PCDHGA2: variants seen among roughly 807,000 people sequenced by gnomAD.
The protein encoded by PCDHGA2 is protocadherin gamma-A2.
Under a neutral mutation model 59.2 loss-of-function variants are expected in PCDHGA2, and 40 were observed. That is an observed-to-expected ratio of 0.68 (90% CI 0.52 to 0.88). PCDHGA2 has a LOEUF of 0.88. Ranked by LOEUF, PCDHGA2 falls within the 40% of genes least tolerant of loss-of-function variation. PCDHGA2 has a pLI of 0.00. For missense variants in PCDHGA2, 1,226 were observed against 1,204.0 expected, an observed-to-expected ratio of 1.02 and a Z score of -0.27; for synonymous variants, 560 against 526.0, an observed-to-expected ratio of 1.06 and a Z score of -0.89.
intron 2 of PCDHGA2, among the ~76,000 whole-genome samples, chr5:141,503,222 G>A (rs540244346): frequency 2.2e-4 from 34 of 152,120 alleles, no homozygotes; most frequent in African/African-American, 7.7e-4. Context: ...CATGAGCACC[G>A]TAAAGATGGA....
Position 141,418,795 on chromosome 5 carries a change from A to G in PCDHGA2, c.2425-76012A>G, listed in dbSNP as rs373690093. The G allele has an allele frequency of 6.8e-6, 11 of 1,613,740 alleles. No homozygotes were observed. The African/African-American group carries it at 1.5e-4, about 22-fold the overall frequency. On this transcript the variant is annotated intron_variant, in intron 1 of 3. Transcript: ENST00000394576. Reference sequence around the variant, plus strand: ...AGCAGCCTTTGGATTTTGAAGAAGTAGAAAGATATACGATAAACATAGAAG... The same window carrying G: ...AGCAGCCTTTGGATTTTGAAGAAGTGGAAAGATATACGATAAACATAGAAG...
intron 1 of PCDHGA2, among the ~76,000 whole-genome samples, chr5:141,420,624 CTCAA>C (rs1561789527): frequency 1.3e-5 from 2 of 152,278 alleles, no homozygotes; most frequent in Admixed American, 1.3e-4. Context: ...TCTTCATTTA[CTCAA>C]TAAAGGAACC....
At chr5:141,341,651 G>A in intron 1 of PCDHGA2, 1 of 675,922 alleles carries the variant, frequency 1.5e-6, no homozygotes, top group Non-Finnish European at 2.4e-6. Flanking sequence ...ACTGCATTAG[G>A]AACTAGGGTG....
chr5:141,340,139 C>T lies in PCDHGA2; in HGVS notation c.1168C>T (p.Leu390Phe), dbSNP rs1756910377. The change falls in exon 1 of 4, where the codon CTT becomes TTT. Residue 390 changes from leucine to phenylalanine, a missense_variant. Physicochemically the swap from Leu to Phe is conservative, Grantham distance 22 (BLOSUM62 0). Transcript: ENST00000394576. ...AFTTCSLPED[L>F]PFKLEKSVDN... ...CACCACCTGTTCACTCCCCGAGGAT[C>T]TTCCTTTTAAGTTAGAAAAGTCAGT... 3 of 1,614,216 alleles carry T rather than the reference C, an allele frequency of 1.9e-6. No homozygotes were observed. Among genetic ancestry groups the T allele is most frequent in the Non-Finnish European group, 1.7e-6 (2 of 1,180,022 alleles).
intron 2 of PCDHGA2, among the ~76,000 whole-genome samples, chr5:141,497,522 G>A (rs998999424): frequency 3.3e-5 from 5 of 150,848 alleles, no homozygotes; most frequent in African/African-American, 4.9e-5. Flanking sequence ...TAGTTAACTT[G>A]TGGAGGATGC....
chr5:141,388,521 A>T (rs978300482), intron 1 of PCDHGA2: 2 of 1,613,722 alleles, frequency 1.2e-6, no homozygotes, highest in African/African-American at 2.7e-5. Context: ...CTTGACTTTG[A>T]CTGCCTTGGA....
chr5:141,506,444 CAAAAAA>C (rs1219684339), intron 3 of PCDHGA2, among the ~76,000 whole-genome samples: 1 of 95,026 alleles, frequency 1.1e-5, no homozygotes, highest in African/African-American at 4.0e-5. Flanking sequence ...CGCTCTGTCT[CAAAAAA>C]AAAAAAAAAA....
At chr5:141,402,335 G>A (rs1157845729) in intron 1 of PCDHGA2, among the ~76,000 whole-genome samples, 1 of 151,508 alleles carries the variant, frequency 6.6e-6, no homozygotes, top group Non-Finnish European at 1.5e-5. Context: ...CAAATATATA[G>A]GTATAAAAAT....
intron 1 of PCDHGA2, chr5:141,478,509 G>A: frequency 1.2e-6 from 2 of 1,611,878 alleles, no homozygotes; most frequent in South Asian, 1.1e-5. Flanking sequence ...GTGTTCTATA[G>A]GCAGGTGTTG....
At chr5:141,388,935 C>T (rs1215680251) in intron 1 of PCDHGA2, 2 of 1,613,984 alleles carry the variant, frequency 1.2e-6, no homozygotes, top group South Asian at 1.1e-5. Flanking sequence ...CCAGTCTCTA[C>T]CCAACCTAAT....
chr5:141,386,660 A>C (rs1300288203), intron 1 of PCDHGA2, among the ~76,000 whole-genome samples: 1 of 151,968 alleles, frequency 6.6e-6, no homozygotes, highest in Non-Finnish European at 1.5e-5. Context: ...CAAGTTCTGC[A>C]GTGTTCACAT....
Position 141,491,454 on chromosome 5 carries a change from C to T in PCDHGA2, c.2425-3353C>T. The T allele has an allele frequency of 1.9e-6, 3 of 1,614,120 alleles. No individual in the cohort carries two copies. The highest frequency in any genetic ancestry group is 2.5e-6 in the Non-Finnish European group (3 of 1,180,032). On this transcript the variant is annotated intron_variant, in intron 1 of 3. Coordinates refer to ENST00000394576, the MANE Select transcript of PCDHGA2 (RefSeq NM_018915.4). This position sits in a 1 kb window ranked among gnomAD's most constrained non-coding sequence, Gnocchi z 6.9. ...GCTGCAGGCGCCAGGACTCACCCTCCCCGGACTTCTATAAGCAGTCCAGCC... is the reference window on the plus strand; with the variant it reads ...GCTGCAGGCGCCAGGACTCACCCTCTCCGGACTTCTATAAGCAGTCCAGCC...
intron 1 of PCDHGA2, among the ~76,000 whole-genome samples, chr5:141,459,692 G>A (rs891511502): frequency 2.6e-5 from 4 of 152,134 alleles, no homozygotes; most frequent in African/African-American, 9.7e-5. Flanking sequence ...AAAGCGTTCC[G>A]CTTGCTACAT....
At chr5:141,405,907 T>C (rs1471568204) in intron 1 of PCDHGA2, among the ~76,000 whole-genome samples, 2 of 152,218 alleles carry the variant, frequency 1.3e-5, no homozygotes, top group Non-Finnish European at 2.9e-5. Context: ...AGGAGGCATT[T>C]ATTAGTTATA....
chr5:141,395,179 A>T (rs1031739375), intron 1 of PCDHGA2: 2 of 1,614,164 alleles, frequency 1.2e-6, no homozygotes, highest in Non-Finnish European at 1.7e-6. Context: ...GAGAAAAATG[A>T]TTCTTTGTTA....
chr5:141,476,038 G>A lies in PCDHGA2; in HGVS notation c.2425-18769G>A, dbSNP rs1426234941. 1.3e-6 allele frequency: 2 copies of A among 1,484,842 alleles called. No homozygotes were observed. Among genetic ancestry groups the A allele is most frequent in the Non-Finnish European group, 1.8e-6 (2 of 1,118,086 alleles). 92.0% of individuals were successfully genotyped at this position (1,484,842 alleles called of 1,614,324 possible). The stretch of plus-strand genomic sequence containing the variant: ...GTCGGACTCGGCGCCCAGCGCCCAA[G>A]CGCTAACCCGCTGAAAGTTTCTCAG... On this transcript the variant is annotated intron_variant, in intron 1 of 3. Coordinates refer to ENST00000394576, the MANE Select transcript of PCDHGA2 (RefSeq NM_018915.4). The surrounding 1 kb of genome is among the most constrained non-coding windows in gnomAD (Gnocchi z 7.6).
rs750687055 is a variant in PCDHGA2 at position 141,383,137 on chromosome 5, C to G, written c.2424+41742C>G. The G allele has an allele frequency of 2.5e-5, 40 of 1,613,994 alleles. No individual in the cohort carries two copies. In the Admixed American group the frequency reaches 3.2e-4, roughly 13 times the overall value. On this transcript the variant is annotated intron_variant, in intron 1 of 3. Transcript: ENST00000394576. Reference sequence around the variant, plus strand: ...GACGCAGCTTTTCGCCCTGAACCAGCGCAGCGGCAGCTTGGTCACTGCGGG... The same window carrying G: ...GACGCAGCTTTTCGCCCTGAACCAGGGCAGCGGCAGCTTGGTCACTGCGGG...
At chr5:141,391,868 A>T (rs1269292273) in intron 1 of PCDHGA2, 1 of 152,190 alleles carries the variant, frequency 6.6e-6, no homozygotes, top group Non-Finnish European at 1.5e-5. Context: ...AAATTTAATC[A>T]TCTCTTTGGT....
Position 141,360,234 on chromosome 5 carries a change from C to T in PCDHGA2, c.2424+18839C>T, listed in dbSNP as rs774582698. The T allele has an allele frequency of 3.1e-6, 5 of 1,613,870 alleles. No individual in the cohort carries two copies. The South Asian group carries it at 5.5e-5, about 18-fold the overall frequency. On this transcript the variant is annotated intron_variant, in intron 1 of 3. Transcript: ENST00000394576. ...TCCCCGGGGCTCTCCCAGTCCAGAT[C>T]CGCTATTCAATTCCAGAGGAGCTGG...
Sources: allele counts gnomAD v4.1 joint callset (sites outside exome capture counted in the v4.1 genomes callset), GRCh38; gene constraint gnomAD v4.1.1; non-coding constraint Gnocchi (gnomAD v3.1); transcripts MANE v1.5; gene names NCBI Gene and HGNC (gene_info 2026-07-23, HGNC 2026-07-21).